Variants in RIPOR2 observed in about 807,000 individuals in gnomAD.
The protein encoded by RIPOR2 is RHO family interacting cell polarization regulator 2.
In RIPOR2, 39 loss-of-function variants were observed where a neutral mutation model predicts 114.5. The ratio of observed to expected loss-of-function variants is 0.34; its 90% CI spans 0.26 to 0.44. The LOEUF is 0.44. RIPOR2 is among the 20% of genes least tolerant of loss of function. RIPOR2 has a pLI of 1.00. For synonymous variants in RIPOR2, 445 were observed against 484.4 expected (o/e 0.92, Z 1.07); for missense variants, 1,007 against 1,255.1 (o/e 0.80, Z 2.99).
At chr6:24,836,063 G>C (rs961611939) in intron 14 of RIPOR2, 192 bp from the exon 15 acceptor site, 2 of 580,362 alleles carry the variant, frequency 3.4e-6, no homozygotes, top group Non-Finnish European at 6.1e-6. Context: ...GTGTTAAAAG[G>C]ACATGCAAAC....
chr6:24,943,096 G>A (rs1262920245), intron 1 of RIPOR2, among the ~76,000 whole-genome samples: 2 of 152,256 alleles, frequency 1.3e-5, no homozygotes, highest in South Asian at 2.1e-4. Flanking sequence ...CAAGCCAAAT[G>A]TCCCACAATG....
In RIPOR2 at chr6:24,945,149, TA is replaced by T. The variant is rs530996958; in HGVS notation, c.77-69333del. Among the ~76,000 whole-genome samples, 118 of 151,380 alleles carry T rather than the reference TA, an allele frequency of 7.8e-4. 2 individuals are homozygous for T. The highest frequency in any genetic ancestry group is 1.9e-3 in the African/African-American group (77 of 41,256). On this transcript the variant is annotated intron_variant, in intron 1 of 13. Transcript: ENST00000510784. Reference sequence around the variant, plus strand: ...ATATGTACAATTACCATATATCAATTAAAAAAAAGAAATAAACCATAGAAGG... The same window carrying T: ...ATATGTACAATTACCATATATCAATTAAAAAAAGAAATAAACCATAGAAGG...
At chr6:24,954,014 G>T (rs2114207186) in intron 1 of RIPOR2, among the ~76,000 whole-genome samples, 1 of 152,316 alleles carries the variant, frequency 6.6e-6, no homozygotes, top group South Asian at 2.1e-4. Context: ...TCTTCTTACA[G>T]CTGGAACATT....
At position 24,923,459 on chromosome 6, in the gene RIPOR2, A is replaced by G. The variant is rs561878861; in HGVS notation, c.61+12379T>C. On this transcript the variant is annotated intron_variant, in intron 1 of 21. Coordinates refer to ENST00000643898, the MANE Select transcript of RIPOR2 (RefSeq NM_001286445.3). ...TAGGAACTGCCATACTGTTTTTTGT[A>G]GTGGCTGTACCATTTTACATTCCCA... 2.0e-5 allele frequency among the ~76,000 whole-genome samples: 3 copies of G among 152,152 alleles called. No individual in the cohort carries two copies. The South Asian group carries it at 6.2e-4, about 32-fold the overall frequency.
intron 14 of RIPOR2, among the ~76,000 whole-genome samples, chr6:24,836,343 G>T (rs1323719992): frequency 6.6e-6 from 1 of 152,190 alleles, no homozygotes; most frequent in Non-Finnish European, 1.5e-5. Context: ...AAGGAAAGCT[G>T]CCAAGAAGAG....
intron 2 of RIPOR2, among the ~76,000 whole-genome samples, chr6:24,875,425 T>C (rs1479775474): frequency 1.3e-5 from 2 of 152,096 alleles, no homozygotes; most frequent in African/African-American, 4.8e-5. Flanking sequence ...CAAAAAGGGG[T>C]GGAAGGAGGG....
In RIPOR2 at chr6:24,895,092, G is replaced by A. The variant is rs983155143; in HGVS notation, c.62-19275C>T. The stretch of plus-strand genomic sequence containing the variant: ...TTTTGAGACAGAGTCTCACTCTGTC[G>A]CCTAGGCTGGTGTGCAGTGGCACCA... On this transcript the variant is annotated intron_variant, in intron 1 of 21. Coordinates refer to ENST00000643898, the MANE Select transcript of RIPOR2 (RefSeq NM_001286445.3). 7.9e-5 allele frequency among the ~76,000 whole-genome samples: 12 copies of A among 151,942 alleles called. No individual in the cohort carries two copies. In the South Asian group the frequency reaches 1.9e-3, roughly 24 times the overall value.
intron 1 of RIPOR2, among the ~76,000 whole-genome samples, chr6:25,002,613 C>T (rs1266258683): frequency 6.6e-6 from 1 of 152,218 alleles, no homozygotes; most frequent in Non-Finnish European, 1.5e-5. Context: ...GCAGAAGCAA[C>T]AGTGCCCTTT....
intron 1 of RIPOR2, among the ~76,000 whole-genome samples, chr6:24,996,731 C>T (rs186117131): frequency 4.9e-4 from 75 of 152,348 alleles, no homozygotes; most frequent in African/African-American, 1.7e-3. Flanking sequence ...AAGTAAGCCA[C>T]TTCCTTTAGT....
At chr6:24,985,427 T>C (rs1297104241) in intron 1 of RIPOR2, among the ~76,000 whole-genome samples, 1 of 152,074 alleles carries the variant, frequency 6.6e-6, no homozygotes, top group Non-Finnish European at 1.5e-5. Flanking sequence ...CAAAATCTCT[T>C]GACAACAACA....
At chr6:24,866,377 C>A (rs1043140636) in intron 6 of RIPOR2, among the ~76,000 whole-genome samples, 1 of 152,056 alleles carries the variant, frequency 6.6e-6, no homozygotes, top group South Asian at 2.1e-4. Context: ...TCTCAATCAA[C>A]CCAAGGCAAT....
chr6:24,947,055 C>CGT (rs1159274396), intron 1 of RIPOR2, among the ~76,000 whole-genome samples: 2 of 150,690 alleles, frequency 1.3e-5, no homozygotes, highest in South Asian at 4.2e-4. Flanking sequence ...AAAGAGAAAA[C>CGT]GTGAAGGAGG....
At chr6:24,947,268 G>C (rs1435384396) in intron 1 of RIPOR2, among the ~76,000 whole-genome samples, 1 of 152,050 alleles carries the variant, frequency 6.6e-6, no homozygotes, top group Non-Finnish European at 1.5e-5. Context: ...TCTCCGTCTC[G>C]GGTTTTGGGC....
chr6:24,811,677 T>A (rs1490413957), intron 20 of RIPOR2, among the ~76,000 whole-genome samples: 1 of 890 alleles, frequency 1.1e-3, no homozygotes, highest in African/African-American at 1.2e-3. Context: ...TTTTTTTTTC[T>A]TTTTTTTTTT....
intron 10 of RIPOR2, among the ~76,000 whole-genome samples, chr6:24,850,374 C>T (rs1040806568): frequency 1.3e-5 from 2 of 152,110 alleles, no homozygotes; most frequent in African/African-American, 4.8e-5. Context: ...GGATTACAGG[C>T]GTGAGCCACT....
intron 1 of RIPOR2, among the ~76,000 whole-genome samples, chr6:25,016,854 A>G (rs974424217): frequency 6.6e-6 from 1 of 152,250 alleles, no homozygotes; most frequent in Non-Finnish European, 1.5e-5. Context: ...AATAAAACCT[A>G]GGGAGAAAGA....
intron 1 of RIPOR2, among the ~76,000 whole-genome samples, chr6:25,036,243 C>G (rs1474555678): frequency 6.6e-6 from 1 of 152,224 alleles, no homozygotes; most frequent in East Asian, 1.9e-4. Flanking sequence ...ATTCCCTAAT[C>G]TCAAGTGCAT....
At chr6:24,838,129 G>A (rs1476444143) in intron 14 of RIPOR2, among the ~76,000 whole-genome samples, 1 of 152,196 alleles carries the variant, frequency 6.6e-6, no homozygotes, top group African/African-American at 2.4e-5. Flanking sequence ...CGGTGAAGGT[G>A]ACAATGTTTC....
chr6:24,925,698 C>T (rs1770815598), intron 1 of RIPOR2, among the ~76,000 whole-genome samples: 1 of 147,498 alleles, frequency 6.8e-6, no homozygotes, highest in South Asian at 2.1e-4. Context: ...GAGACTCCAT[C>T]TCAAAAAAAA....
Sources: allele counts gnomAD v4.1 joint callset (sites outside exome capture counted in the v4.1 genomes callset), GRCh38; gene constraint gnomAD v4.1.1; transcripts MANE v1.5; gene names NCBI Gene and HGNC (gene_info 2026-07-23, HGNC 2026-07-21).